PACRG: variants seen among roughly 807,000 people sequenced by gnomAD.
PACRG encodes parkin coregulated, also known as parkin coregulated gene protein.
PACRG carries 29 observed loss-of-function variants against 29.7 expected under a neutral mutation model. The ratio of observed to expected loss-of-function variants is 0.98; its 90% CI spans 0.73 to 1.33. The LOEUF is 1.33. PACRG is among the 40% of genes most tolerant of loss of function. The pLI is 0.00. For missense variants in PACRG, 279 were observed against 316.2 expected (o/e 0.88, Z 0.89); for synonymous variants, 116 against 118.7 (o/e 0.98, Z 0.15).
intron 4 of PACRG, among the ~76,000 whole-genome samples, chr6:163,139,135 C>T (rs570930131): frequency 6.8e-4 from 104 of 152,342 alleles, no homozygotes; most frequent in African/African-American, 2.4e-3. Flanking sequence ...AGGCAAGCTG[C>T]GGGCAGAGAG....
At chr6:163,000,089 A>AT (rs1258570417) in intron 2 of PACRG, among the ~76,000 whole-genome samples, 1 of 152,206 alleles carries the variant, frequency 6.6e-6, no homozygotes, top group African/African-American at 2.4e-5. Flanking sequence ...TAGTCTGATC[A>AT]TTAAGATCCT....
chr6:163,178,949 G>A, intron 4 of PACRG, among the ~76,000 whole-genome samples: 1 of 152,070 alleles, frequency 6.6e-6, no homozygotes, highest in Non-Finnish European at 1.5e-5. Context: ...TTCCTATTCG[G>A]GTTGATAGAG....
At chr6:162,844,306 C>T (rs564857074) in intron 2 of PACRG, among the ~76,000 whole-genome samples, 170 of 152,302 alleles carry the variant, frequency 1.1e-3, no homozygotes, top group African/African-American at 3.6e-3. Context: ...CATGGTGCGC[C>T]GTTTTTTAAG....
chr6:163,111,472 G>A (rs1001464382), intron 4 of PACRG, among the ~76,000 whole-genome samples: 2 of 152,226 alleles, frequency 1.3e-5, no homozygotes, highest in Non-Finnish European at 2.9e-5. Context: ...ACTGCCTGGA[G>A]CAAAATAATA....
intron 2 of PACRG, among the ~76,000 whole-genome samples, chr6:162,981,325 A>G (rs761052788): frequency 2.6e-4 from 37 of 142,318 alleles, no homozygotes; most frequent in Non-Finnish European, 4.1e-4. Flanking sequence ...GCAAAAATAT[A>G]GAACCAGCCT....
At chr6:163,045,852 G>A (rs1401673549) in intron 2 of PACRG, among the ~76,000 whole-genome samples, 1 of 151,586 alleles carries the variant, frequency 6.6e-6, no homozygotes, top group Non-Finnish European at 1.5e-5. Flanking sequence ...TTGACCTCAT[G>A]ATCCACCCGC....
In PACRG at chr6:163,253,950, C is replaced by T. The variant is rs370181080; in HGVS notation, c.614-60877C>T. Among the ~76,000 whole-genome samples, 8 of 152,254 alleles carry T rather than the reference C, an allele frequency of 5.3e-5. No individual in the cohort carries two copies. The South Asian group carries it at 8.3e-4, about 16-fold the overall frequency. ...ACCCCTGACGGGGAGCCAGGGTGGA[C>T]GGCTGCAGTGGCACCCCAAGCTCAC... On this transcript the variant is annotated intron_variant, in intron 4 of 4. Transcript: ENST00000366888.
chr6:162,874,345 T>G (rs1303905739), intron 2 of PACRG, among the ~76,000 whole-genome samples: 1 of 152,058 alleles, frequency 6.6e-6, no homozygotes, highest in Non-Finnish European at 1.5e-5. Context: ...TGACTTGGAA[T>G]GTCCTTATTT....
intron 1 of PACRG, among the ~76,000 whole-genome samples, chr6:162,803,792 A>C (rs1311032787): frequency 6.6e-6 from 1 of 152,148 alleles, no homozygotes; most frequent in African/African-American, 2.4e-5. Flanking sequence ...GAACAGGAAG[A>C]CTCATCTATT....
At chr6:162,729,919 T>A (rs1447234805) in intron 1 of PACRG, among the ~76,000 whole-genome samples, 1 of 152,138 alleles carries the variant, frequency 6.6e-6, no homozygotes, top group Non-Finnish European at 1.5e-5. Flanking sequence ...ATAAACAACT[T>A]AATTGAGATC....
intron 2 of PACRG, among the ~76,000 whole-genome samples, chr6:162,971,405 A>G (rs1200419128): frequency 2.0e-5 from 3 of 152,192 alleles, no homozygotes; most frequent in African/African-American, 7.2e-5. Context: ...TCTTACAACC[A>G]CAGCGGCATT....
At chr6:163,131,629 G>T (rs147119945) in intron 4 of PACRG, among the ~76,000 whole-genome samples, 285 of 142,890 alleles carry the variant, frequency 2.0e-3, no homozygotes, top group Middle Eastern at 7.3e-3. Flanking sequence ...TTTGTGGTAC[G>T]TTACAACAGC....
chr6:163,132,422 A>G lies in PACRG; in HGVS notation c.613+43014A>G, dbSNP rs1816776602. On this transcript the variant is annotated intron_variant, in intron 4 of 4. Coordinates refer to ENST00000366888, the MANE Select transcript of PACRG (RefSeq NM_001080379.2). ...GGAATCATTATTGATAAGGTGAAGGAGAACAAGTTTCCCTTTTGATTCCCA... is the reference window on the plus strand; with the variant it reads ...GGAATCATTATTGATAAGGTGAAGGGGAACAAGTTTCCCTTTTGATTCCCA... 2.0e-5 allele frequency among the ~76,000 whole-genome samples: 3 copies of G among 152,342 alleles called. No homozygotes were observed. In the South Asian group the frequency reaches 6.2e-4, roughly 32 times the overall value.
chr6:162,922,504 A>G (rs1451990181), intron 2 of PACRG, among the ~76,000 whole-genome samples: 2 of 151,952 alleles, frequency 1.3e-5, no homozygotes, highest in Non-Finnish European at 2.9e-5. Context: ...AGTGCAGTGG[A>G]ACATATTCCT....
intron 2 of PACRG, among the ~76,000 whole-genome samples, chr6:163,028,086 C>T (rs534574250): frequency 2.0e-4 from 30 of 152,258 alleles, no homozygotes; most frequent in African/African-American, 7.0e-4. Flanking sequence ...CATACTAACC[C>T]CAAAAGAGGC....
At chr6:162,887,036 T>A (rs538188510) in intron 2 of PACRG, among the ~76,000 whole-genome samples, 2 of 152,086 alleles carry the variant, frequency 1.3e-5, no homozygotes, top group Admixed American at 6.6e-5. Context: ...GCCTCCCGAG[T>A]AGCTGGGATT....
At chr6:162,787,576 G>GAGTA (rs1784575400) in intron 1 of PACRG, among the ~76,000 whole-genome samples, 1 of 59,538 alleles carries the variant, frequency 1.7e-5, no homozygotes, top group East Asian at 6.7e-4. Context: ...GTGTGTGTGT[G>GAGTA]TGTGTGTATA....
intron 4 of PACRG, among the ~76,000 whole-genome samples, chr6:163,227,524 A>C (rs1259856956): frequency 6.6e-6 from 1 of 152,250 alleles, no homozygotes; most frequent in Non-Finnish European, 1.5e-5. Flanking sequence ...TGTAACGGAA[A>C]GATAACGAGA....
At chr6:162,769,994 C>T (rs1382465679) in intron 1 of PACRG, among the ~76,000 whole-genome samples, 1 of 151,800 alleles carries the variant, frequency 6.6e-6, no homozygotes, top group African/African-American at 2.4e-5. Flanking sequence ...TTTTAGTGGC[C>T]CTCATTATTT....
Sources: gnomAD v4.1 joint callset for allele counts (sites outside exome capture counted in the v4.1 genomes callset) on GRCh38, gnomAD v4.1.1 for gene constraint, MANE v1.5 for transcripts, NCBI Gene and HGNC (gene_info 2026-07-23, HGNC 2026-07-21) for gene names.